DNAH14: variants seen among roughly 807,000 people sequenced by gnomAD.
DNAH14 encodes axonemal beta dynein heavy chain 14.
A neutral mutation model predicts 520.9 loss-of-function variants in DNAH14; 478 were observed. That is an observed-to-expected ratio of 0.92 (90% CI 0.85 to 0.99). DNAH14 has a LOEUF of 0.99. Among genes scored for constraint, DNAH14 ranks in the 50% least tolerant of loss-of-function variants. DNAH14 has a pLI of 0.00. For missense variants in DNAH14, 4,831 were observed against 5,234.5 expected (o/e 0.92, Z 2.38); for synonymous variants, 1,581 against 1,757.2 (o/e 0.90, Z 2.51).
chr1:225,345,429 G>C (rs4618938), intron 69 of DNAH14, among the ~76,000 whole-genome samples: 17,276 of 152,038 alleles, frequency 0.11, 1,168 homozygotes, highest in East Asian at 0.26. Context: ...ATATTTGAAG[G>C]GAATAGATTT....
chr1:224,942,986 C>T (rs2059531066), intron 1 of DNAH14, among the ~76,000 whole-genome samples: 1 of 152,116 alleles, frequency 6.6e-6, no homozygotes, highest in African/African-American at 2.4e-5. Context: ...GTGTCTCTGC[C>T]AGGCTTTGGT....
Position 225,023,640 on chromosome 1 carries a change from A to G in DNAH14, c.1133A>G (p.Glu378Gly), listed in dbSNP as rs991016631. The change falls in exon 11 of 86, where the codon GAG (glutamate) becomes GGG (glycine). Residue 378 changes from glutamate to glycine, a missense_variant. Glu to Gly is a moderately conservative substitution (Grantham distance 98, BLOSUM62 -2). Coordinates refer to ENST00000682510, the MANE Select transcript of DNAH14 (RefSeq NM_001367479.1). The stretch of plus-strand genomic sequence containing the variant: ...GTTGCAGAAAAGAATGAAATCAAAG[A>G]GTATTTTGAGTCAAAACTCTCTGAA... Reference protein sequence around the residue: ...LKVAEKNEIKEYFESKLSEDD... With the variant: ...LKVAEKNEIKGYFESKLSEDD... 1.5e-4 allele frequency: 230 copies of G among 1,534,614 alleles called. No homozygotes were observed. Among genetic ancestry groups the G allele is most frequent in the Non-Finnish European group, 1.9e-4 (220 of 1,137,066 alleles).
At chr1:225,001,258 T>A (rs2063753034) in intron 8 of DNAH14, among the ~76,000 whole-genome samples, 1 of 152,058 alleles carries the variant, frequency 6.6e-6, no homozygotes, top group African/African-American at 2.4e-5. Flanking sequence ...CCCTTCAATG[T>A]TTTGTTATGT....
chr1:225,062,064 CGAGGCGGATGG>C (rs1558831098), intron 17 of DNAH14, among the ~76,000 whole-genome samples: 6,347 of 61,844 alleles, frequency 0.1, 222 homozygotes, highest in Non-Finnish European at 0.28. Context: ...TTTGGGAGGC[CGAGGCGGATGG>C]AATGCTTGAG....
At chr1:225,076,325 T>C (rs144711841) in intron 17 of DNAH14, among the ~76,000 whole-genome samples, 171 of 152,308 alleles carry the variant, frequency 1.1e-3, no homozygotes, top group African/African-American at 4.0e-3. Context: ...TATAGGTCCC[T>C]GCCTGGTGCT....
chr1:225,375,505 T>C lies in DNAH14; in HGVS notation c.12516+620T>C, dbSNP rs1472339317. Among the ~76,000 whole-genome samples, 4 of 152,260 alleles carry C rather than the reference T, an allele frequency of 2.6e-5. No homozygotes were observed. The South Asian group carries it at 8.3e-4, about 32-fold the overall frequency. ...AAAGGAAGACGACAGCTGTGGGTGA[T>C]CATTGTGAGCTGGGAGTGGGCCTGG... On this transcript the variant is annotated intron_variant, in intron 78 of 85. Transcript: ENST00000682510.
intron 54 of DNAH14, among the ~76,000 whole-genome samples, chr1:225,282,908 A>G (rs2093657963): frequency 6.6e-6 from 1 of 152,162 alleles, no homozygotes; most frequent in African/African-American, 2.4e-5. Context: ...ATTGATTGGT[A>G]GGAGTTATTT....
intron 49 of DNAH14, among the ~76,000 whole-genome samples, chr1:225,267,670 G>A (rs1480558141): frequency 6.6e-6 from 1 of 151,990 alleles, no homozygotes; most frequent in African/African-American, 2.4e-5. Context: ...GAAATCATAA[G>A]CCCTATATTT....
At chr1:224,949,359 T>C (rs2060029680) in intron 1 of DNAH14, among the ~76,000 whole-genome samples, 1 of 152,118 alleles carries the variant, frequency 6.6e-6, no homozygotes, top group South Asian at 2.1e-4. Context: ...CACATGTGGC[T>C]GCTCATATGT....
At chr1:225,354,975 G>T (rs143455356) in intron 73 of DNAH14, among the ~76,000 whole-genome samples, 8 of 152,226 alleles carry the variant, frequency 5.3e-5, no homozygotes, top group East Asian at 3.9e-4. Context: ...GTTTTGTTTG[G>T]TTTTTTACAA....
At position 225,144,609 on chromosome 1, in the gene DNAH14, C is replaced by A; in HGVS notation, c.4721C>A (p.Thr1574Asn). 3 of 1,551,190 alleles carry A rather than the reference C, an allele frequency of 1.9e-6. No homozygotes were observed. The Admixed American group carries it at 5.9e-5, about 30-fold the overall frequency. ...AGPAGTGKTE[T>N]VKDLAKSLGK... ...CCAGCTGGTACAGGAAAAACTGAGA[C>A]TGTCAAAGATCTAGCAAAAGTAAGT... Residue 1574 changes from threonine (T) to asparagine (N), a missense_variant, in exon 29 of 86, where the codon ACT becomes AAT. Coordinates refer to ENST00000682510, the MANE Select transcript of DNAH14 (RefSeq NM_001367479.1).
chr1:224,986,694 T>C (rs1359442235), intron 8 of DNAH14, among the ~76,000 whole-genome samples: 1 of 152,118 alleles, frequency 6.6e-6, no homozygotes, highest in Non-Finnish European at 1.5e-5. Flanking sequence ...ATAAAAGCCA[T>C]GTATGACAGA....
chr1:225,206,826 T>A, intron 40 of DNAH14, 142 bp from the exon 41 acceptor site: 1 of 727,052 alleles, frequency 1.4e-6, no homozygotes, highest in Non-Finnish European at 2.1e-6. Context: ...TAAGCTACTT[T>A]GATCATTTGC....
chr1:225,257,529 T>C (rs2092779859), intron 44 of DNAH14, among the ~76,000 whole-genome samples: 1 of 151,980 alleles, frequency 6.6e-6, no homozygotes, highest in East Asian at 1.9e-4. Context: ...GTACTTTTCT[T>C]TTCTTTTTTT....
chr1:225,127,120 A>G (rs1003929566), intron 27 of DNAH14, among the ~76,000 whole-genome samples: 1 of 152,102 alleles, frequency 6.6e-6, no homozygotes, highest in Non-Finnish European at 1.5e-5. Flanking sequence ...GGAGAGCTTT[A>G]CTTCCAACTA....
At chr1:225,317,802 C>T (rs537164598) in intron 60 of DNAH14, among the ~76,000 whole-genome samples, 51 of 152,202 alleles carry the variant, frequency 3.4e-4, no homozygotes, top group Admixed American at 7.2e-4. Context: ...TTATAAACCT[C>T]GTCTCTCCTA....
At chr1:225,349,083 C>A (rs2095328369) in intron 71 of DNAH14, among the ~76,000 whole-genome samples, 1 of 152,188 alleles carries the variant, frequency 6.6e-6, no homozygotes, top group East Asian at 1.9e-4. Flanking sequence ...GTGATCCTCT[C>A]ACCTCACCTC....
chr1:224,967,056 T>C (rs1434808209), intron 5 of DNAH14, among the ~76,000 whole-genome samples: 1 of 152,126 alleles, frequency 6.6e-6, no homozygotes, highest in Non-Finnish European at 1.5e-5. Flanking sequence ...TCAAAATAAA[T>C]GACAAATTTA....
intron 81 of DNAH14, among the ~76,000 whole-genome samples, chr1:225,385,459 T>C (rs1162937997): frequency 2.0e-5 from 3 of 152,214 alleles, no homozygotes; most frequent in Non-Finnish European, 4.4e-5. Context: ...GCAGATGACA[T>C]GATTGTATAT....
Sources: allele counts gnomAD v4.1 joint callset (sites outside exome capture counted in the v4.1 genomes callset), GRCh38; gene constraint gnomAD v4.1.1; transcripts MANE v1.5; gene names NCBI Gene and HGNC (gene_info 2026-07-23, HGNC 2026-07-21).